The following DUSP16 variants were observed in gnomAD, a reference collection of about 807,000 sequenced individuals.
The protein encoded by DUSP16 is dual specificity protein phosphatase 16.
In DUSP16, 21 loss-of-function variants were observed where a neutral mutation model predicts 58.3. That is an observed-to-expected ratio of 0.36 (90% CI 0.26 to 0.52). The LOEUF is 0.52. DUSP16 is among the 20% of genes least tolerant of loss of function. The pLI is 0.94. For missense variants in DUSP16, 726 were observed against 819.0 expected (o/e 0.89, Z 1.39); for synonymous variants, 320 against 323.8 (o/e 0.99, Z 0.12).
chr12:12,534,318 G>A (rs1244903771), intron 1 of DUSP16, among the ~76,000 whole-genome samples: 1 of 152,182 alleles, frequency 6.6e-6, no homozygotes, highest in Admixed American at 6.5e-5. Context: ...AATGATATCA[G>A]GAAGCTGTAT....
chr12:12,514,160 T>A (rs1225750930), intron 3 of DUSP16, among the ~76,000 whole-genome samples: 1 of 152,194 alleles, frequency 6.6e-6, no homozygotes, highest in Non-Finnish European at 1.5e-5. Flanking sequence ...TTATCTCTTT[T>A]TAGGAGCTGA....
chr12:12,537,129 T>G (rs765217181), intron 1 of DUSP16, among the ~76,000 whole-genome samples: 5 of 152,206 alleles, frequency 3.3e-5, no homozygotes, highest in African/African-American at 4.8e-5. Context: ...TTCAATATAT[T>G]TTTCTGTAAT....
At chr12:12,559,152 A>G (rs920376030) in intron 1 of DUSP16, among the ~76,000 whole-genome samples, 1 of 149,386 alleles carries the variant, frequency 6.7e-6, no homozygotes, top group Non-Finnish European at 1.5e-5. Flanking sequence ...AGAAAATCAG[A>G]AAAAAAAAAT....
At chr12:12,527,632 A>T (rs1020069832) in intron 1 of DUSP16, among the ~76,000 whole-genome samples, 1 of 152,218 alleles carries the variant, frequency 6.6e-6, no homozygotes, top group Admixed American at 6.5e-5. Flanking sequence ...TTTTATTTAT[A>T]AAAGTATAAA....
At chr12:12,557,324 G>T (rs997660462) in intron 1 of DUSP16, among the ~76,000 whole-genome samples, 3 of 151,946 alleles carry the variant, frequency 2.0e-5, no homozygotes, top group African/African-American at 7.3e-5. Context: ...GGGTGCGGTG[G>T]CACACGCCTG....
chr12:12,520,767 C>T, intron 2 of DUSP16, 104 bp downstream of exon 2: 1 of 1,388,738 alleles, frequency 7.2e-7, no homozygotes, highest in Non-Finnish European at 9.7e-7. Context: ...GCAACCAAAA[C>T]TTCCTCAAAT....
At chr12:12,517,978 G>C (rs1004675061) in intron 3 of DUSP16, among the ~76,000 whole-genome samples, 1 of 152,152 alleles carries the variant, frequency 6.6e-6, no homozygotes, top group African/African-American at 2.4e-5. Context: ...CCCTCCCAAG[G>C]CTACACAGGA....
intron 3 of DUSP16, among the ~76,000 whole-genome samples, chr12:12,514,114 T>TTGTC (rs1248750637): frequency 1.3e-5 from 2 of 152,210 alleles, no homozygotes; most frequent in African/African-American, 4.8e-5. Context: ...TTCACATCCA[T>TTGTC]TGTCTAATAC....
At chr12:12,540,949 C>CTTT (rs1191975095) in intron 1 of DUSP16, among the ~76,000 whole-genome samples, 98 of 43,766 alleles carry the variant, frequency 2.2e-3, no homozygotes, top group African/African-American at 2.7e-3. Flanking sequence ...CTTTTCTTTT[C>CTTT]TTTTTTTTTT....
At chr12:12,531,056 C>A (rs1344944615) in intron 1 of DUSP16, among the ~76,000 whole-genome samples, 1 of 152,122 alleles carries the variant, frequency 6.6e-6, no homozygotes, top group Admixed American at 6.5e-5. Context: ...ACACCAGCCC[C>A]AGAACAACAA....
At chr12:12,557,693 CATT>C (rs1436898751) in intron 1 of DUSP16, among the ~76,000 whole-genome samples, 1 of 152,214 alleles carries the variant, frequency 6.6e-6, no homozygotes, top group African/African-American at 2.4e-5. Flanking sequence ...CGACCCTGAT[CATT>C]ACCTTTACTA....
At chr12:12,522,567 ATT>A (rs200720540) in intron 1 of DUSP16, among the ~76,000 whole-genome samples, 2 of 145,856 alleles carry the variant, frequency 1.4e-5, no homozygotes, top group Non-Finnish European at 1.5e-5. Context: ...TAGAGGGTAA[ATT>A]TTTTTTTTTT....
intron 5 of DUSP16, among the ~76,000 whole-genome samples, chr12:12,484,861 C>G (rs1943649586): frequency 6.6e-6 from 1 of 152,200 alleles, no homozygotes; most frequent in Non-Finnish European, 1.5e-5. Context: ...ATCCCCCCAT[C>G]TCGGCCTCCC....
intron 6 of DUSP16, 25 bp from the exon 7 acceptor site, chr12:12,478,040 A>G (rs772537891): frequency 1.2e-5 from 18 of 1,521,874 alleles, no homozygotes; most frequent in Admixed American, 2.2e-5. Context: ...AAAAACAAAA[A>G]CCCGAATTTT....
At chr12:12,526,419 C>T (rs1944308859) in intron 1 of DUSP16, among the ~76,000 whole-genome samples, 1 of 152,144 alleles carries the variant, frequency 6.6e-6, no homozygotes, top group South Asian at 2.1e-4. Flanking sequence ...CTATATCCAA[C>T]TCTGCACAAA....
intron 3 of DUSP16, among the ~76,000 whole-genome samples, chr12:12,506,792 C>T (rs545616892): frequency 5.9e-5 from 9 of 152,328 alleles, no homozygotes; most frequent in East Asian, 5.8e-4. Flanking sequence ...GCAGCCAGAC[C>T]GCAATGCTAA....
chr12:12,541,224 C>T (rs1944555535), intron 1 of DUSP16, among the ~76,000 whole-genome samples: 1 of 152,002 alleles, frequency 6.6e-6, no homozygotes, highest in Non-Finnish European at 1.5e-5. Flanking sequence ...CTCCCAAAGT[C>T]CTGGGATTAT....
At chr12:12,541,407 T>A (rs1944558654) in intron 1 of DUSP16, among the ~76,000 whole-genome samples, 2 of 152,138 alleles carry the variant, frequency 1.3e-5, no homozygotes, top group African/African-American at 4.8e-5. Flanking sequence ...CTTGACAAGG[T>A]TACACTGACA....
Position 12,519,713 on chromosome 12 carries a change from T to C in DUSP16, c.367+149A>G. On this transcript the variant is annotated intron_variant, in intron 3 of 6. Transcript: ENST00000298573. ...AGAATGATATAGTATTCAAGTTAAA[T>C]AGAACGGTGACATCAATCAAAAGCT... is the stretch of plus-strand genomic sequence containing the variant. 3.8e-6 allele frequency: 3 copies of C among 781,704 alleles called. No individual in the cohort carries two copies. In the South Asian group the frequency reaches 6.0e-5, roughly 16 times the overall value. The allele number at this position is 781,704 out of a possible 1,614,324, so 48.4% of individuals were successfully genotyped here.
Sources: gnomAD v4.1 joint callset for allele counts (sites outside exome capture counted in the v4.1 genomes callset) on GRCh38, gnomAD v4.1.1 for gene constraint, MANE v1.5 for transcripts, NCBI Gene and HGNC (gene_info 2026-07-23, HGNC 2026-07-21) for gene names.